The following LATS2 variants were observed in gnomAD, a reference collection of about 807,000 sequenced individuals.
LATS2 encodes serine/threonine-protein kinase LATS2.
A neutral mutation model predicts 76.0 loss-of-function variants in LATS2; 24 were observed. That is an observed-to-expected ratio of 0.32 (90% CI 0.23 to 0.44). LATS2 has a LOEUF of 0.44. Among genes scored for constraint, LATS2 ranks in the 20% least tolerant of loss-of-function variants. The pLI, the probability that LATS2 is intolerant of heterozygous loss-of-function variation, is 1.00. For synonymous variants in LATS2, 692 were observed against 635.4 expected (o/e 1.09, Z -1.34); for missense variants, 1,286 against 1,481.2 (o/e 0.87, Z 2.16).
intron 4 of LATS2, among the ~76,000 whole-genome samples, chr13:20,987,275 G>A (rs1266062762): frequency 2.6e-5 from 4 of 152,066 alleles, no homozygotes; most frequent in African/African-American, 7.2e-5. Flanking sequence ...GTGAATACGG[G>A]ACACTGAAAA....
At chr13:21,008,213 C>T (rs1277964081) in intron 2 of LATS2, among the ~76,000 whole-genome samples, 1 of 152,116 alleles carries the variant, frequency 6.6e-6, no homozygotes, top group African/African-American at 2.4e-5. Context: ...GACAGACACT[C>T]GGGCACCGCA....
intron 2 of LATS2, among the ~76,000 whole-genome samples, chr13:21,033,888 C>A (rs543213326): frequency 6.6e-6 from 1 of 152,024 alleles, no homozygotes; most frequent in South Asian, 2.1e-4. Context: ...GTCATAACCA[C>A]CCAAATATAT....
intron 2 of LATS2, among the ~76,000 whole-genome samples, chr13:21,040,376 C>CAAAAAAA (rs141897751): frequency 9.2e-6 from 1 of 108,766 alleles, no homozygotes; most frequent in African/African-American, 3.6e-5. Flanking sequence ...GACCTTGTCT[C>CAAAAAAA]AAAAAAAAAA....
At position 20,974,746 on chromosome 13, in the gene LATS2, G is replaced by A; in HGVS notation, c.*124C>T. The A allele has an allele frequency of 2.0e-6, 2 of 1,022,890 alleles. No homozygotes were observed. Among genetic ancestry groups the A allele is most frequent in the Non-Finnish European group, 2.8e-6 (2 of 714,116 alleles). 63.4% of individuals were successfully genotyped at this position (1,022,890 alleles called of 1,614,324 possible). On this transcript the variant is annotated 3_prime_UTR_variant, in exon 8 of 8. Coordinates refer to ENST00000382592, the MANE Select transcript of LATS2 (RefSeq NM_014572.3). ...TTCTTGGTGAAGAGCAGAATTTCAA[G>A]TGAAGTAATCGACGGACTAATTTAA...
chr13:20,983,423 C>T lies in LATS2; in HGVS notation c.2283G>A (p.Glu761=), dbSNP rs1200651857. 1 of 1,614,052 alleles carries T rather than the reference C, an allele frequency of 6.2e-7. No homozygotes were observed. Among genetic ancestry groups the T allele is most frequent in the Non-Finnish European group, 8.5e-7 (1 of 1,180,020 alleles). The part of the protein sequence containing the change: ...GDMMSLLIRM[E]VFPEHLARFY... The stretch of plus-strand genomic sequence containing the variant: ...ACCGGGCCAGGTGCTCAGGGAAGAC[C>T]TCCATCCGGATCAGCAGGCTCATCA... The change falls in exon 5 of 8, where the codon GAG becomes GAA. Residue 761 remains glutamate, a synonymous_variant. Transcript: ENST00000382592.
In LATS2 at chr13:20,981,523, C is replaced by G; in HGVS notation, c.2608G>C (p.Ala870Pro). 1 of 1,614,118 alleles carries G rather than the reference C, an allele frequency of 6.2e-7. No individual in the cohort carries two copies. The highest frequency in any genetic ancestry group is 1.7e-5 in the Admixed American group (1 of 60,024). Reference protein sequence around the residue: ...RARKQHQRCLAHSLVGTPNYI... With the variant: ...RARKQHQRCLPHSLVGTPNYI... ...TTTGGAGTCCCCACCAGTGAATGTG[C>G]CAGGCACCTCTGGTGCTGCTTCCGC... The change falls in exon 6 of 8, where the codon GCA becomes CCA. Residue 870 changes from alanine (A) to proline (P), a missense_variant. Coordinates refer to ENST00000382592, the MANE Select transcript of LATS2 (RefSeq NM_014572.3).
At chr13:20,999,207 T>C (rs1870916920) in intron 2 of LATS2, among the ~76,000 whole-genome samples, 1 of 152,236 alleles carries the variant, frequency 6.6e-6, no homozygotes, top group Non-Finnish European at 1.5e-5. Flanking sequence ...AGTCGCCACC[T>C]TGCGCGGATG....
At chr13:21,025,235 T>A (rs1237750440) in intron 2 of LATS2, among the ~76,000 whole-genome samples, 362 of 119,228 alleles carry the variant, frequency 3.0e-3, no homozygotes, top group African/African-American at 9.7e-3. Context: ...AAAAAAAAAA[T>A]ACAAAAATTA....
rs140665148 is a variant in LATS2, at chr13:20,988,093, C to T, written c.1687G>A (p.Gly563Arg). The change falls in exon 4 of 8, where the codon GGG (glycine) becomes AGG (arginine). Residue 563 changes from glycine to arginine, a missense_variant. Physicochemically the swap from Gly to Arg is moderately radical, Grantham distance 125. Transcript: ENST00000382592. Reference sequence around the variant, plus strand: ...TTTTTATCCTTTCCGCCTTTGTCCCCCTTGGCGCTTTTGCGGCTCTTGTCG... The same window carrying T: ...TTTTTATCCTTTCCGCCTTTGTCCCTCTTGGCGCTTTTGCGGCTCTTGTCG... ...GGDKSRKSAK[G>R]DKGGKDKKQI... 708 of 1,614,272 alleles carry T rather than the reference C, an allele frequency of 4.4e-4. 1 individual carries two copies. The African/African-American group carries it at 7.3e-3, about 17-fold the overall frequency.
intron 2 of LATS2, among the ~76,000 whole-genome samples, chr13:21,019,801 C>G (rs1052796459): frequency 3.3e-4 from 50 of 150,938 alleles, no homozygotes; most frequent in African/African-American, 1.2e-3. Flanking sequence ...TGGCAAAACC[C>G]CATCTCTACT....
chr13:21,024,488 G>A (rs1341696439), intron 2 of LATS2, among the ~76,000 whole-genome samples: 1 of 151,942 alleles, frequency 6.6e-6, no homozygotes, highest in Non-Finnish European at 1.5e-5. Flanking sequence ...TTTTTAGGTT[G>A]GCTGGACTTT....
Position 20,974,679 on chromosome 13 carries a change from A to G in LATS2, c.*191T>C. On this transcript the variant is annotated 3_prime_UTR_variant, in exon 8 of 8. Transcript: ENST00000382592. ...TGAAGGTCCTGAAAAGCCTATTGAAAGCGATGCTGAGTCCTGTTTTCAAAA... is the reference window on the plus strand; with the variant it reads ...TGAAGGTCCTGAAAAGCCTATTGAAGGCGATGCTGAGTCCTGTTTTCAAAA... The G allele has an allele frequency of 1.7e-6, 1 of 592,322 alleles. No individual in the cohort carries two copies. Among genetic ancestry groups the G allele is most frequent in the East Asian group, 2.9e-5 (1 of 34,704 alleles). 36.7% of individuals were successfully genotyped at this position (592,322 alleles called of 1,614,324 possible). A position where few individuals can be genotyped will look rare whatever the true frequency, so the allele number is the denominator to read the frequency against.
At chr13:21,016,657 C>T (rs1173324508) in intron 2 of LATS2, among the ~76,000 whole-genome samples, 1 of 152,178 alleles carries the variant, frequency 6.6e-6, no homozygotes, top group South Asian at 2.1e-4. Flanking sequence ...CCCCAGCCAA[C>T]CCCCAGGAAA....
rs751564042 is a variant in LATS2, at chr13:20,988,098, G to A, written c.1682C>T (p.Ala561Val). The A allele has an allele frequency of 1.2e-6, 2 of 1,614,154 alleles. No individual in the cohort carries two copies. Among genetic ancestry groups the A allele is most frequent in the East Asian group, 2.2e-5 (1 of 44,888 alleles). The change falls in exon 4 of 8, where the codon GCC (alanine) becomes GTC (valine). Residue 561 changes from alanine (A) to valine (V), a missense_variant. Physicochemically the swap from Ala to Val is moderately conservative, Grantham distance 64. This residue lies in a region of LATS2 where 710 missense variants were observed against 660.9 expected (regional missense o/e 1.07). Transcript: ENST00000382592. ...ATCCTTTCCGCCTTTGTCCCCCTTGGCGCTTTTGCGGCTCTTGTCGCCGCC... is the reference window on the plus strand; with the variant it reads ...ATCCTTTCCGCCTTTGTCCCCCTTGACGCTTTTGCGGCTCTTGTCGCCGCC... ...PEGGDKSRKS[A>V]KGDKGGKDKK...
intron 2 of LATS2, among the ~76,000 whole-genome samples, chr13:21,021,415 G>A (rs1399030104): frequency 2.3e-5 from 3 of 132,972 alleles, no homozygotes; most frequent in Non-Finnish European, 4.7e-5. Flanking sequence ...AGAGGTTGTA[G>A]TGAACTGGGA....
chr13:20,988,832 TG>T lies in LATS2; in HGVS notation c.947del (p.Pro316HisfsTer117). ...PPAAGLYVPH[P>X]HHKQAGPAAH... ...CCGCGGGACCGGCCTGCTTGTGGTG[TG>T]GGTGCGGCACGTAGAGCCCGGCGGC... On this transcript the variant is annotated frameshift_variant, in exon 4 of 8. Transcript: ENST00000382592. LOFTEE classifies it high-confidence loss of function. 1 of 1,596,824 alleles carries T rather than the reference TG, an allele frequency of 6.3e-7. No individual in the cohort carries two copies.
At chr13:21,045,636 C>A (rs766244161) in intron 2 of LATS2, 49 bp downstream of exon 2, 2 of 1,452,286 alleles carry the variant, frequency 1.4e-6, no homozygotes, top group South Asian at 1.3e-5. Context: ...ACTGCCCCAG[C>A]TGTCCCATAG....
intron 6 of LATS2, among the ~76,000 whole-genome samples, chr13:20,980,285 TTG>T (rs905775898): frequency 3.3e-5 from 5 of 152,192 alleles, no homozygotes; most frequent in Admixed American, 3.3e-4. Context: ...CAAACACTCC[TTG>T]TGTGAGGCCC....
At chr13:21,007,638 ATATATAGTGT>A (rs1309942890) in intron 2 of LATS2, among the ~76,000 whole-genome samples, 2 of 1,064 alleles carry the variant, frequency 1.9e-3, no homozygotes, top group African/African-American at 2.5e-3. Context: ...ATATATATAT[ATATATAGTGT>A]GTGTATATAT....
Sources: allele counts gnomAD v4.1 joint callset (sites outside exome capture counted in the v4.1 genomes callset), GRCh38; gene constraint gnomAD v4.1.1; regional missense constraint gnomAD v4.1.1; transcripts MANE v1.5; gene names NCBI Gene and HGNC (gene_info 2026-07-23, HGNC 2026-07-21).